MIER1: variants seen among roughly 807,000 people sequenced by gnomAD.
MIER1 encodes mesoderm induction early response protein 1.
MIER1 carries 40 observed loss-of-function variants against 75.7 expected under a neutral mutation model. The ratio of observed to expected loss-of-function variants is 0.53; its 90% CI spans 0.41 to 0.69. The LOEUF (loss-of-function observed/expected upper bound fraction) is 0.69, where lower values mean the gene tolerates loss of function less well. Among genes scored for constraint, MIER1 ranks in the 30% least tolerant of loss-of-function variants. The pLI, the probability that MIER1 is intolerant of heterozygous loss-of-function variation, is 0.00. For synonymous variants in MIER1, 213 were observed against 223.4 expected, an observed-to-expected ratio of 0.95 and a Z score of 0.42; for missense variants, 574 against 680.2, an observed-to-expected ratio of 0.84 and a Z score of 1.74.
chr1:66,951,560 G>A lies in MIER1; in HGVS notation c.339+5265G>A, dbSNP rs535526757. 2.8e-5 allele frequency among the ~76,000 whole-genome samples: 4 copies of A among 140,442 alleles called. No individual in the cohort carries two copies. In the South Asian group the frequency reaches 7.4e-4, roughly 26 times the overall value. 92.1% of individuals were successfully genotyped at this position (140,442 alleles called of 152,430 possible). A position where few individuals can be genotyped will look rare whatever the true frequency, so the allele number is the denominator to read the frequency against. ...TCTTAAAATACAGTCTGCAAATATA[G>A]TGTGTATTCCTGTTTTTTTTTTTTA... is the stretch of plus-strand genomic sequence containing the variant. On this transcript the variant is annotated intron_variant, in intron 4 of 13. Coordinates refer to ENST00000401041, the MANE Select transcript of MIER1 (RefSeq NM_001077700.3).
At chr1:66,953,204 T>C (rs1248719121) in intron 4 of MIER1, among the ~76,000 whole-genome samples, 7 of 152,322 alleles carry the variant, frequency 4.6e-5, no homozygotes, top group African/African-American at 1.7e-4. Flanking sequence ...AAAGAACATT[T>C]CATGTGAGAA....
intron 1 of MIER1, chr1:66,925,677 C>G: frequency 2.4e-6 from 1 of 424,634 alleles, no homozygotes; most frequent in East Asian, 1.6e-4. Context: ...CCGCTCTTTA[C>G]TCTTGTTCTT....
chr1:66,971,013 A>G (rs1047193056), intron 9 of MIER1, 54 bp downstream of exon 9: 3 of 1,478,774 alleles, frequency 2.0e-6, no homozygotes, highest in Admixed American at 5.2e-5. Flanking sequence ...ATACATGTAA[A>G]TGCTGTCACT....
At chr1:66,925,527 C>T (rs1353688482) in intron 1 of MIER1, 11 of 985,334 alleles carry the variant, frequency 1.1e-5, no homozygotes, top group Non-Finnish European at 8.4e-6. Flanking sequence ...TGCACTGCAG[C>T]CTTTATGGTG....
rs370033936 is a variant in MIER1, at chr1:66,959,034, T to C, written c.634+51T>C. On this transcript the variant is annotated intron_variant, in intron 6 of 13. Transcript: ENST00000401041. ...TGAATATAATTTTTACTATTTTAGG[T>C]ATTACCTAAAATCCTCTTTTTTAAA... The C allele has an allele frequency of 2.0e-6, 3 of 1,497,162 alleles. No homozygotes were observed. The African/African-American group carries it at 4.2e-5, about 21-fold the overall frequency. The allele number at this position is 1,497,162 out of a possible 1,614,324, so 92.7% of individuals were successfully genotyped here. A position where few individuals can be genotyped will look rare whatever the true frequency, so the allele number is the denominator to read the frequency against.
intron 11 of MIER1, 87 bp from the exon 12 acceptor site, chr1:66,976,508 C>T (rs1320017185): frequency 4.4e-6 from 6 of 1,353,334 alleles, no homozygotes; most frequent in African/African-American, 4.4e-5. Flanking sequence ...AAGGACTAGC[C>T]AAATTTATTT....
At chr1:66,973,414 A>G (rs1015945150) in intron 11 of MIER1, among the ~76,000 whole-genome samples, 1 of 152,128 alleles carries the variant, frequency 6.6e-6, no homozygotes, top group African/African-American at 2.4e-5. Context: ...TGAGTGGTCT[A>G]AAATCAAATA....
intron 4 of MIER1, among the ~76,000 whole-genome samples, chr1:66,956,119 C>A (rs1409477845): frequency 2.0e-5 from 3 of 152,134 alleles, no homozygotes; most frequent in African/African-American, 7.2e-5. Context: ...ATTTGTTATT[C>A]TTGTATATAA....
At chr1:66,925,171 T>C in intron 1 of MIER1, 76 bp downstream of exon 1, 1 of 1,494,180 alleles carries the variant, frequency 6.7e-7, no homozygotes, top group Non-Finnish European at 8.9e-7. Context: ...GTGTCCTCAG[T>C]CCCCTTTCTC....
chr1:66,952,324 G>T (rs1465245515), intron 4 of MIER1, among the ~76,000 whole-genome samples: 1 of 152,150 alleles, frequency 6.6e-6, no homozygotes, highest in African/African-American at 2.4e-5. Context: ...TCTGGAACAG[G>T]TGACTGACAG....
intron 10 of MIER1, among the ~76,000 whole-genome samples, chr1:66,972,233 TAC>T (rs749975888): frequency 0.037 from 1,883 of 51,398 alleles, 46 homozygotes; most frequent in African/African-American, 0.15. Context: ...ATATATACAC[TAC>T]ATATATATAT....
intron 8 of MIER1, among the ~76,000 whole-genome samples, chr1:66,963,685 G>A (rs1332010706): frequency 1.3e-5 from 2 of 152,106 alleles, no homozygotes; most frequent in Non-Finnish European, 1.5e-5. Flanking sequence ...TGAGGCAGGC[G>A]GATCATGAGG....
At chr1:66,946,085 T>C in intron 3 of MIER1, 65 bp from the exon 4 acceptor site, 1 of 1,418,110 alleles carries the variant, frequency 7.1e-7, no homozygotes, top group Non-Finnish European at 9.5e-7. Flanking sequence ...TAAAAATATA[T>C]ACATTAATAT....
At chr1:66,958,748 T>G in intron 5 of MIER1, 103 bp from the exon 6 acceptor site, 1 of 877,796 alleles carries the variant, frequency 1.1e-6, no homozygotes, top group Non-Finnish European at 1.7e-6. Context: ...AGTATATTCA[T>G]TTTAGTCTTC....
chr1:66,966,755 G>A (rs1662494225), intron 8 of MIER1, among the ~76,000 whole-genome samples: 1 of 152,166 alleles, frequency 6.6e-6, no homozygotes, highest in East Asian at 1.9e-4. Context: ...GTATCTCATT[G>A]TGGTTTTGAT....
chr1:66,987,498 A>G lies in MIER1; in HGVS notation c.*2598A>G, dbSNP rs1372492133. 6.5e-6 allele frequency: 1 copy of G among 152,672 alleles called. No homozygotes were observed. Among genetic ancestry groups the G allele is most frequent in the Admixed American group, 6.5e-5 (1 of 15,272 alleles). The allele number at this position is 152,672 out of a possible 1,614,324, so 9.5% of individuals were successfully genotyped here. A position where few individuals can be genotyped will look rare whatever the true frequency, so the allele number is the denominator to read the frequency against. On this transcript the variant is annotated 3_prime_UTR_variant, in exon 14 of 14. Transcript: ENST00000401041. ...AGGATCTGCAATTCAGTTCAACACA[A>G]GTTTGTTGAGCTTTAAAATGTATTT...
intron 2 of MIER1, chr1:66,928,843 C>T: frequency 1.5e-6 from 2 of 1,312,402 alleles, no homozygotes; most frequent in Non-Finnish European, 2.2e-6. Flanking sequence ...GATTTGGGAA[C>T]CTTAAAGTTT....
rs563202986 is a variant in MIER1, at chr1:66,987,513, A to C, written c.*2613A>C. On this transcript the variant is annotated 3_prime_UTR_variant, in exon 14 of 14. Transcript: ENST00000401041. ...GTTCAACACAAGTTTGTTGAGCTTT[A>C]AAATGTATTTGAAGTAATATTTAAA... The C allele has an allele frequency of 6.5e-5, 10 of 152,816 alleles. No homozygotes were observed. The South Asian group carries it at 1.2e-3, about 19-fold the overall frequency. 9.5% of individuals were successfully genotyped at this position (152,816 alleles called of 1,614,324 possible).
chr1:66,960,125 A>C (rs1209550357), intron 7 of MIER1: 1 of 153,144 alleles, frequency 6.5e-6, no homozygotes. Context: ...ACTAGTGCCA[A>C]ATTAGGCATT....
Sources: allele counts gnomAD v4.1 joint callset (sites outside exome capture counted in the v4.1 genomes callset), GRCh38; gene constraint gnomAD v4.1.1; transcripts MANE v1.5; gene names NCBI Gene and HGNC (gene_info 2026-07-23, HGNC 2026-07-21).